The following KLF3 variants were observed in gnomAD, a reference collection of about 807,000 sequenced individuals.
The protein encoded by KLF3 is Krueppel-like factor 3.
Under a neutral mutation model 32.7 loss-of-function variants are expected in KLF3, and 6 were observed. The ratio of observed to expected loss-of-function variants is 0.18; its 90% CI spans 0.10 to 0.36. KLF3 has a LOEUF of 0.36. KLF3 is among the 10% of genes least tolerant of loss of function. The pLI, the probability that KLF3 is intolerant of heterozygous loss-of-function variation, is 1.00. For synonymous variants in KLF3, 145 were observed against 172.8 expected, an observed-to-expected ratio of 0.84 and a Z score of 1.26; for missense variants, 338 against 449.7, an observed-to-expected ratio of 0.75 and a Z score of 2.25.
rs776101807 is a variant in KLF3 at position 38,697,239 on chromosome 4, T to C, written c.1014T>C (p.His338=). 1.6e-5 allele frequency: 26 copies of C among 1,613,280 alleles called. No individual in the cohort carries two copies. In the South Asian group the frequency reaches 2.2e-4, roughly 14 times the overall value. Residue 338 remains histidine, a synonymous_variant, in exon 6 of 6, where the codon CAT becomes CAC. Coordinates refer to ENST00000261438, the MANE Select transcript of KLF3 (RefSeq NM_016531.6). ...SFSRSDHLAL[H]RKRHMLV ...CCCGTTCTGACCATCTTGCCCTCCA[T>C]AGGAAACGCCACATGCTAGTCTGAT...
At chr4:38,694,322 T>C (rs1010957395) in intron 4 of KLF3, among the ~76,000 whole-genome samples, 18 of 152,144 alleles carry the variant, frequency 1.2e-4, no homozygotes, top group South Asian at 6.2e-4. Flanking sequence ...TGAAAAAATA[T>C]AGTGTTCAGC....
intron 2 of KLF3, among the ~76,000 whole-genome samples, chr4:38,683,796 T>C (rs1351835985): frequency 6.6e-6 from 1 of 152,230 alleles, no homozygotes; most frequent in Admixed American, 6.5e-5. Flanking sequence ...TTAATAATAT[T>C]CTGTTATCTT....
At chr4:38,693,350 TAAAA>T (rs3839135) in intron 4 of KLF3, among the ~76,000 whole-genome samples, 1 of 147,484 alleles carries the variant, frequency 6.8e-6, no homozygotes, top group East Asian at 2.0e-4. Context: ...ATGTTTTTTT[TAAAA>T]AAAAAAAGCA....
chr4:38,689,588 A>G (rs928412812), intron 3 of KLF3, 141 bp from the exon 4 acceptor site: 2 of 609,596 alleles, frequency 3.3e-6, no homozygotes, highest in Non-Finnish European at 2.8e-6. Context: ...AGAATCTCCC[A>G]CAGATTTGTT....
chr4:38,685,239 C>G (rs913593422), intron 2 of KLF3, among the ~76,000 whole-genome samples: 1 of 152,158 alleles, frequency 6.6e-6, no homozygotes, highest in Non-Finnish European at 1.5e-5. Context: ...GTGTGTGCCA[C>G]CCAAATAAAG....
At chr4:38,696,845 C>T (rs1723057650) in intron 5 of KLF3, among the ~76,000 whole-genome samples, 1 of 148,470 alleles carries the variant, frequency 6.7e-6, no homozygotes, top group African/African-American at 2.6e-5. Flanking sequence ...TTCAGTGACT[C>T]TGTGTTTTAA....
At chr4:38,676,163 G>A (rs182977486) in intron 1 of KLF3, among the ~76,000 whole-genome samples, 19 of 152,284 alleles carry the variant, frequency 1.2e-4, no homozygotes, top group African/African-American at 2.6e-4. Context: ...AAACTTGGCC[G>A]GGTGTAGTGG....
In KLF3 at chr4:38,671,291, T is replaced by C. The variant is rs1255891691; in HGVS notation, c.-40+6830T>C. Among the ~76,000 whole-genome samples, 2 of 152,220 alleles carry C rather than the reference T, an allele frequency of 1.3e-5. No individual in the cohort carries two copies. The highest frequency in any genetic ancestry group is 2.9e-5 in the Non-Finnish European group (2 of 68,020). On this transcript the variant is annotated intron_variant, in intron 1 of 5. Coordinates refer to ENST00000261438, the MANE Select transcript of KLF3 (RefSeq NM_016531.6). The surrounding 1 kb of genome is among the most constrained non-coding windows in gnomAD (Gnocchi z 4.4). Reference sequence around the variant, plus strand: ...CCCTTCCACCTTTGTGCAGTTATTATGAGGATTTCCGTATTTACTTGGGTC... The same window carrying C: ...CCCTTCCACCTTTGTGCAGTTATTACGAGGATTTCCGTATTTACTTGGGTC...
At chr4:38,666,171 A>T (rs756876943) in intron 1 of KLF3, among the ~76,000 whole-genome samples, 8 of 152,238 alleles carry the variant, frequency 5.3e-5, no homozygotes, top group Non-Finnish European at 1.0e-4. Context: ...CATTGTAAAG[A>T]ACATTTAGCT....
At chr4:38,695,535 GC>G (rs1007080416) in intron 5 of KLF3, among the ~76,000 whole-genome samples, 39 of 152,236 alleles carry the variant, frequency 2.6e-4, no homozygotes, top group African/African-American at 8.7e-4. Flanking sequence ...TGGTCTCAGT[GC>G]CAAACATTTT....
chr4:38,687,646 A>G (rs1456491290), intron 2 of KLF3, among the ~76,000 whole-genome samples: 1 of 152,222 alleles, frequency 6.6e-6, no homozygotes, highest in Non-Finnish European at 1.5e-5. Context: ...GAGAGAACAC[A>G]GGGCCTCAGC....
At chr4:38,672,409 A>G (rs546268435) in intron 1 of KLF3, among the ~76,000 whole-genome samples, 2 of 152,266 alleles carry the variant, frequency 1.3e-5, no homozygotes, top group African/African-American at 4.8e-5. Flanking sequence ...GGCCTAGACT[A>G]TCTAGGTAAG....
At position 38,699,045 on chromosome 4, in the gene KLF3, G is replaced by A. The variant is rs1238159403; in HGVS notation, c.*1782G>A. 1 of 152,210 alleles carries A rather than the reference G, an allele frequency of 6.6e-6. No individual in the cohort carries two copies. Among genetic ancestry groups the A allele is most frequent in the Non-Finnish European group, 1.5e-5 (1 of 68,046 alleles). The allele number at this position is 152,210 out of a possible 1,614,324, so 9.4% of individuals were successfully genotyped here. A position where few individuals can be genotyped will look rare whatever the true frequency, so the allele number is the denominator to read the frequency against. On this transcript the variant is annotated 3_prime_UTR_variant, in exon 6 of 6. Coordinates refer to ENST00000261438, the MANE Select transcript of KLF3 (RefSeq NM_016531.6). ...CTTTGATGGCACTGTGTTAATAAAAGTTGTAGGGACTGTGCACCTAAGAGG... is the reference window on the plus strand; with the variant it reads ...CTTTGATGGCACTGTGTTAATAAAAATTGTAGGGACTGTGCACCTAAGAGG...
At chr4:38,673,010 G>A (rs1455406127) in intron 1 of KLF3, among the ~76,000 whole-genome samples, 1 of 152,334 alleles carries the variant, frequency 6.6e-6, no homozygotes, top group East Asian at 1.9e-4. Flanking sequence ...TTTGGGCCAC[G>A]TTGATAGCAG....
intron 2 of KLF3, among the ~76,000 whole-genome samples, chr4:38,686,443 CAAA>C (rs61128677): frequency 5.0e-5 from 5 of 100,944 alleles, no homozygotes; most frequent in Middle Eastern, 5.5e-3. Flanking sequence ...GACCCTATCT[CAAA>C]AAAAAAAAAA....
chr4:38,696,845 C>G (rs1723057650), intron 5 of KLF3, among the ~76,000 whole-genome samples: 1 of 148,574 alleles, frequency 6.7e-6, no homozygotes, highest in Non-Finnish European at 1.5e-5. Flanking sequence ...TTCAGTGACT[C>G]TGTGTTTTAA....
chr4:38,681,206 G>A (rs1029212804), intron 2 of KLF3, among the ~76,000 whole-genome samples: 41 of 152,224 alleles, frequency 2.7e-4, no homozygotes, highest in Admixed American at 2.6e-3. Flanking sequence ...ACCCGTGCCC[G>A]GTGTCCCCCT....
At chr4:38,673,464 T>C (rs369771643) in intron 1 of KLF3, among the ~76,000 whole-genome samples, 7 of 152,240 alleles carry the variant, frequency 4.6e-5, no homozygotes, top group East Asian at 3.8e-4. Flanking sequence ...TTGTGAGATA[T>C]GTACACAGCA....
In KLF3 at chr4:38,671,347, G is replaced by A. The variant is rs189991203; in HGVS notation, c.-40+6886G>A. Among the ~76,000 whole-genome samples the A allele has an allele frequency of 1.3e-5, 2 of 152,288 alleles. No homozygotes were observed. The highest frequency in any genetic ancestry group is 2.4e-5 in the African/African-American group (1 of 41,550). On this transcript the variant is annotated intron_variant, in intron 1 of 5. Coordinates refer to ENST00000261438, the MANE Select transcript of KLF3 (RefSeq NM_016531.6). The surrounding 1 kb of genome is among the most constrained non-coding windows in gnomAD (Gnocchi z 4.4). ...GCCAATTTTTCTCAGCAGTTATATC[G>A]ACAATGCAGGTGCACTGGCTAGGAA...
Sources: allele counts gnomAD v4.1 joint callset (sites outside exome capture counted in the v4.1 genomes callset), GRCh38; gene constraint gnomAD v4.1.1; non-coding constraint Gnocchi (gnomAD v3.1); transcripts MANE v1.5; gene names NCBI Gene and HGNC (gene_info 2026-07-23, HGNC 2026-07-21).